The following NKAIN2 variants were observed in gnomAD, a reference collection of about 807,000 sequenced individuals.
NKAIN2 encodes sodium/potassium-transporting ATPase subunit beta-1-interacting protein 2.
NKAIN2 carries 14 observed loss-of-function variants against 32.6 expected under a neutral mutation model. That is an observed-to-expected ratio of 0.43 (90% confidence interval 0.28 to 0.67). NKAIN2 has a LOEUF of 0.67. NKAIN2 is among the 30% of genes least tolerant of loss of function. The probability of loss-of-function intolerance (pLI) is 0.17; values close to 1 mark genes in which losing one functional copy is unlikely to be tolerated. For synonymous variants in NKAIN2, 80 were observed against 87.2 expected, an observed-to-expected ratio of 0.92 and a Z score of 0.46; for missense variants, 198 against 258.3, an observed-to-expected ratio of 0.77 and a Z score of 1.60.
intron 1 of NKAIN2, among the ~76,000 whole-genome samples, chr6:124,200,002 A>G (rs997102410): frequency 2.0e-5 from 3 of 152,166 alleles, no homozygotes; most frequent in African/African-American, 7.2e-5. Context: ...TTAAAAATGT[A>G]AGTAAGGATA....
At chr6:124,107,364 T>C (rs888583898) in intron 1 of NKAIN2, among the ~76,000 whole-genome samples, 3 of 152,132 alleles carry the variant, frequency 2.0e-5, no homozygotes, top group African/African-American at 7.2e-5. Flanking sequence ...AAACCAATTG[T>C]AGGAAAAATA....
chr6:124,302,993 T>C (rs1156997569), intron 2 of NKAIN2, among the ~76,000 whole-genome samples: 2 of 151,954 alleles, frequency 1.3e-5, no homozygotes, highest in Non-Finnish European at 2.9e-5. Context: ...ATTTGGACCT[T>C]TTATGTAGAC....
At chr6:124,699,768 T>C (rs1228425159) in intron 4 of NKAIN2, among the ~76,000 whole-genome samples, 1 of 152,116 alleles carries the variant, frequency 6.6e-6, no homozygotes, top group Admixed American at 6.6e-5. Flanking sequence ...CGTGAGCCAA[T>C]TAAACCTATT....
At chr6:124,149,648 C>A (rs530045634) in intron 1 of NKAIN2, among the ~76,000 whole-genome samples, 1 of 152,274 alleles carries the variant, frequency 6.6e-6, no homozygotes, top group Non-Finnish European at 1.5e-5. Context: ...TATATCTAGC[C>A]TTGTACCAGT....
At chr6:124,148,362 T>C (rs532452340) in intron 1 of NKAIN2, among the ~76,000 whole-genome samples, 60 of 152,130 alleles carry the variant, frequency 3.9e-4, no homozygotes, top group Non-Finnish European at 1.3e-4. Context: ...ATGTAGAACA[T>C]TTCATCAAAA....
chr6:124,152,930 T>A (rs111237612), intron 1 of NKAIN2, among the ~76,000 whole-genome samples: 3,504 of 151,920 alleles, frequency 0.023, 60 homozygotes, highest in Non-Finnish European at 0.033. Context: ...TGTTCTCACA[T>A]GTAAATGGGA....
intron 3 of NKAIN2, among the ~76,000 whole-genome samples, chr6:124,615,344 T>C (rs1426373156): frequency 6.6e-6 from 1 of 152,222 alleles, no homozygotes; most frequent in Non-Finnish European, 1.5e-5. Flanking sequence ...ATTTGTAGTT[T>C]GATGCCAACA....
At chr6:124,804,300 A>G (rs950152236) in intron 5 of NKAIN2, among the ~76,000 whole-genome samples, 1 of 152,258 alleles carries the variant, frequency 6.6e-6, no homozygotes, top group African/African-American at 2.4e-5. Context: ...ATTAGCAGAT[A>G]TGAACAAGAA....
intron 1 of NKAIN2, among the ~76,000 whole-genome samples, chr6:123,864,539 G>A (rs528051939): frequency 7.9e-5 from 12 of 152,268 alleles, no homozygotes; most frequent in Admixed American, 7.2e-4. Context: ...GATAGTTAGA[G>A]ATGTGGATGT....
chr6:124,006,046 T>TA (rs2114723426), intron 1 of NKAIN2, among the ~76,000 whole-genome samples: 1 of 152,300 alleles, frequency 6.6e-6, no homozygotes, highest in Non-Finnish European at 1.5e-5. Flanking sequence ...ATGCTGTTGT[T>TA]ATGCTATTTG....
At chr6:124,532,507 A>C (rs1329058598) in intron 3 of NKAIN2, among the ~76,000 whole-genome samples, 1 of 152,138 alleles carries the variant, frequency 6.6e-6, no homozygotes, top group East Asian at 1.9e-4. Flanking sequence ...GGGAAGTACC[A>C]TCCAGTCTAC....
At chr6:123,983,282 A>C (rs999853739) in intron 1 of NKAIN2, among the ~76,000 whole-genome samples, 1 of 152,190 alleles carries the variant, frequency 6.6e-6, no homozygotes, top group Non-Finnish European at 1.5e-5. Context: ...GTCTGGAACA[A>C]ACAGGCTGCC....
chr6:124,088,221 C>T (rs904938654), intron 1 of NKAIN2, among the ~76,000 whole-genome samples: 1 of 151,740 alleles, frequency 6.6e-6, no homozygotes, highest in African/African-American at 2.4e-5. Context: ...AGTTTCAGAC[C>T]AGCCTGGGTA....
At chr6:124,193,671 C>T (rs1484337015) in intron 1 of NKAIN2, among the ~76,000 whole-genome samples, 2 of 152,052 alleles carry the variant, frequency 1.3e-5, no homozygotes, top group African/African-American at 4.8e-5. Flanking sequence ...CAGTAGGTCC[C>T]GAGTTCTTGT....
intron 3 of NKAIN2, among the ~76,000 whole-genome samples, chr6:124,649,529 A>T (rs1201987035): frequency 6.6e-6 from 1 of 152,200 alleles, no homozygotes; most frequent in African/African-American, 2.4e-5. Flanking sequence ...GATTCTACCA[A>T]ACACGTAAAG....
chr6:123,925,602 C>T (rs9401712), intron 1 of NKAIN2, among the ~76,000 whole-genome samples: 50,099 of 152,062 alleles, frequency 0.33, 9,134 homozygotes, highest in East Asian at 0.64. Context: ...ACAGTCATTT[C>T]ATGATGAAAC....
Position 124,436,088 on chromosome 6 carries a change from G to A in NKAIN2, c.273+80741G>A, listed in dbSNP as rs969757517. The stretch of plus-strand genomic sequence containing the variant: ...CAGCAGGTTTTAAGTTTTAATCCAC[G>A]TATCTTTGTCTTTCTGCTTTATCAG... On this transcript the variant is annotated intron_variant, in intron 3 of 6. Transcript: ENST00000368417. 6.6e-5 allele frequency among the ~76,000 whole-genome samples: 10 copies of A among 152,088 alleles called. No homozygotes were observed. The East Asian group carries it at 9.6e-4, about 15-fold the overall frequency.
At chr6:124,271,650 G>A (rs1346803575) in intron 1 of NKAIN2, among the ~76,000 whole-genome samples, 1 of 152,206 alleles carries the variant, frequency 6.6e-6, no homozygotes. Context: ...GTGGAATTGG[G>A]TAACAGACAG....
At chr6:124,318,094 C>G (rs1293785747) in intron 2 of NKAIN2, among the ~76,000 whole-genome samples, 1 of 151,992 alleles carries the variant, frequency 6.6e-6, no homozygotes, top group Non-Finnish European at 1.5e-5. Context: ...ACCATGTCTT[C>G]TGCTAAAGCC....
Sources: gnomAD v4.1 joint callset for allele counts (sites outside exome capture counted in the v4.1 genomes callset) on GRCh38, gnomAD v4.1.1 for gene constraint, MANE v1.5 for transcripts, NCBI Gene and HGNC (gene_info 2026-07-23, HGNC 2026-07-21) for gene names.